STX8: variants seen among roughly 807,000 people sequenced by gnomAD.
The protein encoded by STX8 is syntaxin 8.
A neutral mutation model predicts 37.5 loss-of-function variants in STX8; 23 were observed. That is an observed-to-expected ratio of 0.61 (90% CI 0.44 to 0.87). The LOEUF (loss-of-function observed/expected upper bound fraction) is 0.87, where lower values mean the gene tolerates loss of function less well. Among genes scored for constraint, STX8 ranks in the 40% least tolerant of loss-of-function variants. The probability of loss-of-function intolerance (pLI) is 0.00; values close to 1 mark genes in which losing one functional copy is unlikely to be tolerated. For synonymous variants in STX8, 115 were observed against 99.1 expected, an observed-to-expected ratio of 1.16 and a Z score of -0.95; for missense variants, 313 against 284.7, an observed-to-expected ratio of 1.10 and a Z score of -0.71.
chr17:9,395,956 C>T (rs1018990652), intron 6 of STX8, among the ~76,000 whole-genome samples: 2 of 152,172 alleles, frequency 1.3e-5, no homozygotes, highest in Non-Finnish European at 2.9e-5. Context: ...AAAAGCCTTA[C>T]ATTACTTAGG....
chr17:9,273,838 G>T (rs1049213685), intron 7 of STX8, among the ~76,000 whole-genome samples: 1 of 152,170 alleles, frequency 6.6e-6, no homozygotes, highest in African/African-American at 2.4e-5. Context: ...GTGTGTTTGC[G>T]TGGCAGGCCT....
intron 7 of STX8, among the ~76,000 whole-genome samples, chr17:9,340,930 T>A (rs1277094288): frequency 6.7e-6 from 1 of 149,734 alleles, no homozygotes; most frequent in African/African-American, 2.4e-5. Flanking sequence ...GTGCTGGGAT[T>A]ACAGGCGTGG....
intron 7 of STX8, among the ~76,000 whole-genome samples, chr17:9,272,789 G>C (rs1907517885): frequency 6.6e-6 from 1 of 152,170 alleles, no homozygotes; most frequent in African/African-American, 2.4e-5. Context: ...TGCAATATAA[G>C]TTCTTTCCCT....
intron 7 of STX8, among the ~76,000 whole-genome samples, chr17:9,353,499 A>C (rs1472536610): frequency 6.6e-6 from 1 of 152,208 alleles, no homozygotes; most frequent in Non-Finnish European, 1.5e-5. Context: ...CCACCATGAT[A>C]CTTCCAATTC....
At chr17:9,314,756 C>G (rs1909322871) in intron 7 of STX8, among the ~76,000 whole-genome samples, 1 of 151,538 alleles carries the variant, frequency 6.6e-6, no homozygotes, top group African/African-American at 2.4e-5. Context: ...CTAAGCCCCC[C>G]AGCCGACTGA....
chr17:9,468,650 T>C (rs543040570), intron 6 of STX8, among the ~76,000 whole-genome samples: 139 of 152,346 alleles, frequency 9.1e-4, no homozygotes, highest in African/African-American at 3.2e-3. Flanking sequence ...CCTCAGCTGC[T>C]GGGAGTGCTC....
intron 4 of STX8, among the ~76,000 whole-genome samples, chr17:9,533,205 G>T (rs905699603): frequency 1.3e-5 from 2 of 152,338 alleles, no homozygotes; most frequent in East Asian, 3.9e-4. Flanking sequence ...GATGGCTCAC[G>T]CCTTGTAATG....
chr17:9,445,279 C>T (rs3816577), intron 6 of STX8, among the ~76,000 whole-genome samples: 35,060 of 151,392 alleles, frequency 0.23, 4,174 homozygotes, highest in African/African-American at 0.27. Flanking sequence ...ACAAAGAGAA[C>T]GACCAAGGAA....
intron 7 of STX8, among the ~76,000 whole-genome samples, chr17:9,335,983 AG>A (rs1910128239): frequency 6.6e-6 from 1 of 152,166 alleles, no homozygotes; most frequent in Non-Finnish European, 1.5e-5. Flanking sequence ...TGGGCATCTC[AG>A]GGAAGTTTTC....
At chr17:9,520,658 T>C (rs1160715903) in intron 4 of STX8, among the ~76,000 whole-genome samples, 1 of 152,090 alleles carries the variant, frequency 6.6e-6, no homozygotes, top group African/African-American at 2.4e-5. Context: ...CCAAAGAAAA[T>C]GATGTACATT....
chr17:9,526,858 C>T (rs1905592319), intron 4 of STX8, among the ~76,000 whole-genome samples: 3 of 150,880 alleles, frequency 2.0e-5, no homozygotes, highest in African/African-American at 7.3e-5. Flanking sequence ...AGCAAAACTC[C>T]ATCTCAAAAA....
At chr17:9,320,164 C>G (rs1909527596) in intron 7 of STX8, among the ~76,000 whole-genome samples, 1 of 151,738 alleles carries the variant, frequency 6.6e-6, no homozygotes, top group African/African-American at 2.4e-5. Context: ...GAAATCCCGT[C>G]TCTACTAAAA....
chr17:9,392,469 T>C (rs1021130119), intron 6 of STX8, among the ~76,000 whole-genome samples: 1 of 152,134 alleles, frequency 6.6e-6, no homozygotes, highest in East Asian at 1.9e-4. Flanking sequence ...TAGCTGGGCA[T>C]AGTGGCATGC....
chr17:9,553,555 T>C (rs891535093), intron 3 of STX8: 2 of 152,148 alleles, frequency 1.3e-5, no homozygotes, highest in Non-Finnish European at 2.9e-5. Context: ...GGTATTCAAA[T>C]ATTCACATTA....
intron 3 of STX8, 51 bp downstream of exon 3, chr17:9,557,383 A>T: frequency 6.6e-7 from 1 of 1,508,796 alleles, no homozygotes; most frequent in Middle Eastern, 1.7e-4. Flanking sequence ...TTAAAATACG[A>T]CTGCTTTTCC....
intron 6 of STX8, among the ~76,000 whole-genome samples, chr17:9,395,155 G>T (rs1435552436): frequency 1.3e-5 from 2 of 151,746 alleles, no homozygotes; most frequent in African/African-American, 4.8e-5. Context: ...AAATATAAAT[G>T]TAAGTATATA....
intron 4 of STX8, among the ~76,000 whole-genome samples, chr17:9,523,980 CTGTT>C (rs2142529881): frequency 6.6e-6 from 1 of 152,336 alleles, no homozygotes; most frequent in East Asian, 1.9e-4. Flanking sequence ...AGTGACCTTA[CTGTT>C]TATTATACCA....
chr17:9,543,911 G>A (rs1277531168), intron 4 of STX8, among the ~76,000 whole-genome samples: 1 of 152,072 alleles, frequency 6.6e-6, no homozygotes, highest in South Asian at 2.1e-4. Flanking sequence ...TTGGATCGCC[G>A]CTCCTGAGAA....
intron 6 of STX8, among the ~76,000 whole-genome samples, chr17:9,438,860 C>T (rs1311352973): frequency 2.6e-5 from 4 of 151,992 alleles, no homozygotes; most frequent in African/African-American, 4.8e-5. Context: ...ACCCGGGAGG[C>T]GGAGCTTGCA....
Sources: allele counts gnomAD v4.1 joint callset (sites outside exome capture counted in the v4.1 genomes callset), GRCh38; gene constraint gnomAD v4.1.1; transcripts MANE v1.5; gene names NCBI Gene and HGNC (gene_info 2026-07-23, HGNC 2026-07-21).